Variants in SDK1 observed in about 807,000 individuals in gnomAD.
SDK1 encodes the protein protein sidekick-1.
A neutral mutation model predicts 245.5 loss-of-function variants in SDK1; 157 were observed. The observed-to-expected ratio is 0.64, with a 90% CI of 0.56 to 0.73. The LOEUF (loss-of-function observed/expected upper bound fraction) is 0.73. Ranked by LOEUF, SDK1 falls within the 30% of genes least tolerant of loss-of-function variation. The pLI, the probability that SDK1 is intolerant of heterozygous loss-of-function variation, is 0.00. For missense variants in SDK1, 3,583 were observed against 3,002.3 expected, an observed-to-expected ratio of 1.19 and a Z score of -4.52; for synonymous variants, 1,647 against 1,278.5, an observed-to-expected ratio of 1.29 and a Z score of -6.15.
intron 7 of SDK1, among the ~76,000 whole-genome samples, chr7:3,954,585 A>G: frequency 1.7e-5 from 1 of 58,662 alleles, no homozygotes; most frequent in African/African-American, 7.8e-5. Context: ...TCCCCTCTAT[A>G]CTCTCCGCCC....
chr7:4,115,196 G>A (rs948293283), intron 25 of SDK1, among the ~76,000 whole-genome samples: 1 of 152,210 alleles, frequency 6.6e-6, no homozygotes, highest in African/African-American at 2.4e-5. Flanking sequence ...AATTAGTGAG[G>A]TTCTGTCTGG....
chr7:3,386,137 TA>T (rs376710113), intron 1 of SDK1, among the ~76,000 whole-genome samples: 4 of 152,206 alleles, frequency 2.6e-5, no homozygotes, highest in East Asian at 1.9e-4. Flanking sequence ...TTGATAACTT[TA>T]AAAAAAATTG....
chr7:3,608,003 C>A (rs938535267), intron 1 of SDK1, among the ~76,000 whole-genome samples: 1 of 152,200 alleles, frequency 6.6e-6, no homozygotes, highest in Non-Finnish European at 1.5e-5. Context: ...TGTACTTTGT[C>A]CCCTTGTTGA....
intron 4 of SDK1, among the ~76,000 whole-genome samples, chr7:3,692,428 A>G (rs1276394902): frequency 2.0e-5 from 3 of 152,118 alleles, no homozygotes; most frequent in African/African-American, 4.8e-5. Flanking sequence ...TAGTTTTGCT[A>G]TTCTCTTTAA....
intron 1 of SDK1, among the ~76,000 whole-genome samples, chr7:3,587,300 C>CGTGTGTGTGTGT (rs10523052): frequency 6.7e-6 from 1 of 149,164 alleles, no homozygotes; most frequent in South Asian, 2.1e-4. Flanking sequence ...AGAAACAGAA[C>CGTGTGTGTGTGT]GTGTGTGTGT....
intron 17 of SDK1, among the ~76,000 whole-genome samples, chr7:4,028,126 T>C (rs559551114): frequency 2.6e-5 from 4 of 152,266 alleles, no homozygotes; most frequent in Middle Eastern, 3.4e-3. Context: ...CAACATCTCC[T>C]AGGAACTTGT....
intron 1 of SDK1, among the ~76,000 whole-genome samples, chr7:3,356,658 T>C (rs1436456099): frequency 2.0e-5 from 3 of 152,138 alleles, no homozygotes; most frequent in Non-Finnish European, 2.9e-5. Flanking sequence ...ATAATATAAC[T>C]AAGGAAACTT....
chr7:4,252,436 T>A (rs1012695402), intron 44 of SDK1, among the ~76,000 whole-genome samples: 1 of 152,186 alleles, frequency 6.6e-6, no homozygotes, highest in African/African-American at 2.4e-5. Flanking sequence ...ATGTGCCACA[T>A]TTTCTTAATC....
At chr7:4,157,905 G>A (rs1780870803) in intron 30 of SDK1, among the ~76,000 whole-genome samples, 1 of 152,168 alleles carries the variant, frequency 6.6e-6, no homozygotes, top group Admixed American at 6.5e-5. Flanking sequence ...AGAGAATGCT[G>A]CAAGGCTGGG....
In SDK1 at chr7:4,267,507, G is replaced by A. The variant is rs911505000; in HGVS notation, c.*2123G>A. The A allele has an allele frequency of 4.1e-6, 4 of 985,336 alleles. No homozygotes were observed. Among genetic ancestry groups the A allele is most frequent in the Admixed American group, 6.1e-5 (1 of 16,268 alleles). The allele number at this position is 985,336 out of a possible 1,614,324, so 61.0% of individuals were successfully genotyped here. A position where few individuals can be genotyped will look rare whatever the true frequency, so the allele number is the denominator to read the frequency against. ...ACCTCCTTCCCCTCGGCCCCGGAGA[G>A]GGCGAAGTGGGCGGGAAGCCAGGAT... On this transcript the variant is annotated 3_prime_UTR_variant, in exon 45 of 45. Transcript: ENST00000404826.
At chr7:4,257,246 T>C (rs985928628) in intron 44 of SDK1, among the ~76,000 whole-genome samples, 1 of 152,220 alleles carries the variant, frequency 6.6e-6, no homozygotes, top group Non-Finnish European at 1.5e-5. Flanking sequence ...GTTGAGATTA[T>C]CTTTATTAGC....
chr7:3,773,521 G>C (rs1365008111), intron 4 of SDK1, among the ~76,000 whole-genome samples: 5 of 152,002 alleles, frequency 3.3e-5, no homozygotes, highest in Non-Finnish European at 7.4e-5. Flanking sequence ...CAGTATATTA[G>C]CCATCAGGGC....
chr7:4,229,761 C>T lies in SDK1; in HGVS notation c.5828-3494C>T, dbSNP rs78450186. 8.2e-3 allele frequency among the ~76,000 whole-genome samples: 1,244 copies of T among 152,198 alleles called. 11 individuals carry two copies. Among genetic ancestry groups the T allele is most frequent in the African/African-American group, 0.028 (1,152 of 41,506 alleles). On this transcript the variant is annotated intron_variant, in intron 40 of 44. Coordinates refer to ENST00000404826, the MANE Select transcript of SDK1 (RefSeq NM_152744.4). The stretch of plus-strand genomic sequence containing the variant: ...CAGTTTATAAGAGTCTGTATTTGGT[C>T]TTTAGTGTCTATTACAACATAAAAT...
intron 1 of SDK1, among the ~76,000 whole-genome samples, chr7:3,412,778 A>G (rs1200860189): frequency 6.6e-6 from 1 of 152,156 alleles, no homozygotes; most frequent in Non-Finnish European, 1.5e-5. Flanking sequence ...CCAATTAGGA[A>G]TTTATTTGGG....
chr7:3,485,705 T>TTTTTTTTTTTTG (rs1781671818), intron 1 of SDK1, among the ~76,000 whole-genome samples: 2 of 145,458 alleles, frequency 1.4e-5, no homozygotes, highest in Non-Finnish European at 1.5e-5. Flanking sequence ...TTTTTTTTTT[T>TTTTTTTTTTTTG]GAGCCATCTT....
At chr7:4,242,032 C>A in intron 43 of SDK1, 119 bp downstream of exon 43, 1 of 1,235,730 alleles carries the variant, frequency 8.1e-7, no homozygotes, top group Non-Finnish European at 1.1e-6. Flanking sequence ...AAGCAAAACC[C>A]AACCCACCGC....
intron 1 of SDK1, among the ~76,000 whole-genome samples, chr7:3,395,654 G>A (rs543207111): frequency 6.6e-6 from 1 of 151,852 alleles, no homozygotes; most frequent in Non-Finnish European, 1.5e-5. Flanking sequence ...TATTTTAAAA[G>A]CTCATTTAAT....
intron 22 of SDK1, among the ~76,000 whole-genome samples, chr7:4,083,937 G>T (rs1159961449): frequency 6.6e-6 from 1 of 151,880 alleles, no homozygotes; most frequent in Non-Finnish European, 1.5e-5. Flanking sequence ...TGCTAAGTTG[G>T]GTGGCAGAGC....
At chr7:3,954,813 A>G (rs1781129327) in intron 7 of SDK1, among the ~76,000 whole-genome samples, 1 of 151,630 alleles carries the variant, frequency 6.6e-6, no homozygotes, top group Admixed American at 6.6e-5. Flanking sequence ...AGAGGCTCTG[A>G]AATAGTGGCT....
Sources: gnomAD v4.1 joint callset for allele counts (sites outside exome capture counted in the v4.1 genomes callset) on GRCh38, gnomAD v4.1.1 for gene constraint, MANE v1.5 for transcripts, NCBI Gene and HGNC (gene_info 2026-07-23, HGNC 2026-07-21) for gene names.